Variants in RAB3GAP2 observed in about 807,000 individuals in gnomAD.
The protein encoded by RAB3GAP2 is rab3 GTPase-activating protein non-catalytic subunit.
A neutral mutation model predicts 185.3 loss-of-function variants in RAB3GAP2; 87 were observed. The observed-to-expected ratio is 0.47, with a 90% confidence interval of 0.39 to 0.56. The LOEUF is 0.56. Among genes scored for constraint, RAB3GAP2 ranks in the 20% least tolerant of loss-of-function variants. RAB3GAP2 has a pLI of 0.00. For synonymous variants in RAB3GAP2, 554 were observed against 576.1 expected, an observed-to-expected ratio of 0.96 and a Z score of 0.55; for missense variants, 1,492 against 1,638.2, an observed-to-expected ratio of 0.91 and a Z score of 1.54.
intron 2 of RAB3GAP2, among the ~76,000 whole-genome samples, chr1:220,229,235 A>G (rs1249982069): frequency 3.9e-5 from 6 of 152,220 alleles, no homozygotes; most frequent in Non-Finnish European, 8.8e-5. Context: ...TGAGAAATAC[A>G]GCTAATTAAG....
chr1:220,169,448 G>C (rs942145056), intron 24 of RAB3GAP2, among the ~76,000 whole-genome samples: 2 of 152,180 alleles, frequency 1.3e-5, no homozygotes, highest in African/African-American at 4.8e-5. Flanking sequence ...TTTGCAGTTA[G>C]TGAATCATGA....
chr1:220,190,644 A>C, intron 14 of RAB3GAP2, 124 bp from the exon 15 acceptor site: 1 of 944,576 alleles, frequency 1.1e-6, no homozygotes, highest in South Asian at 1.4e-5. Context: ...AAGGCAACTA[A>C]ATACTGATAG....
At chr1:220,181,213 CCT>C (rs1164563683) in intron 21 of RAB3GAP2, among the ~76,000 whole-genome samples, 1 of 152,122 alleles carries the variant, frequency 6.6e-6, no homozygotes, top group African/African-American at 2.4e-5. Context: ...CCTTGATCTC[CCT>C]GATTCAAGGG....
At chr1:220,192,699 G>C (rs1487081332) in intron 13 of RAB3GAP2, among the ~76,000 whole-genome samples, 2 of 152,166 alleles carry the variant, frequency 1.3e-5, no homozygotes, top group Non-Finnish European at 2.9e-5. Context: ...TGAGAACCTT[G>C]AGTGGGGAAG....
chr1:220,236,510 A>G (rs17565378), intron 1 of RAB3GAP2, among the ~76,000 whole-genome samples: 3,735 of 152,200 alleles, frequency 0.025, 66 homozygotes, highest in Non-Finnish European at 0.038. Context: ...CCAGTGATTT[A>G]ATTTTTGTGG....
chr1:220,169,291 GA>G (rs1658131102), intron 24 of RAB3GAP2, among the ~76,000 whole-genome samples: 1 of 152,192 alleles, frequency 6.6e-6, no homozygotes, highest in Admixed American at 6.5e-5. Context: ...TAAAAAGTGT[GA>G]GCCCCCAAAG....
intron 31 of RAB3GAP2, 86 bp downstream of exon 31, chr1:220,157,184 T>C: frequency 5.1e-6 from 6 of 1,179,502 alleles, no homozygotes; most frequent in Non-Finnish European, 6.2e-6. Flanking sequence ...ACAAAAGTAC[T>C]GGACAGCTTC....
At chr1:220,176,363 G>A (rs1454966610) in intron 21 of RAB3GAP2, among the ~76,000 whole-genome samples, 1 of 152,142 alleles carries the variant, frequency 6.6e-6, no homozygotes, top group Admixed American at 6.5e-5. Context: ...TGGCGGAATA[G>A]AAGGCAACCT....
At chr1:220,189,852 C>G (rs1371142670) in intron 16 of RAB3GAP2, 85 bp from the exon 17 acceptor site, 1 of 1,221,140 alleles carries the variant, frequency 8.2e-7, no homozygotes, top group South Asian at 1.5e-5. Context: ...CATATCTGTA[C>G]TATCAGTGAG....
Position 220,153,425 on chromosome 1 carries a change from G to A in RAB3GAP2, c.3646-19C>T. 2 of 1,599,044 alleles carry A rather than the reference G, an allele frequency of 1.3e-6. No individual in the cohort carries two copies. The highest frequency in any genetic ancestry group is 2.2e-5 in the South Asian group (2 of 90,796). ...ATAAGAACTTGAAAATGGAGAAAGA[G>A]ATAGAGCAATGCATTGTTACTGTTT... On this transcript the variant is annotated intron_variant, in intron 32 of 34. Transcript: ENST00000358951.
Position 220,171,132 on chromosome 1 carries a change from T to A in RAB3GAP2, c.2578-12A>T. The A allele has an allele frequency of 6.2e-7, 1 of 1,608,406 alleles. No individual in the cohort carries two copies. Among genetic ancestry groups the A allele is most frequent in the Non-Finnish European group, 8.5e-7 (1 of 1,174,902 alleles). On this transcript the variant is annotated splice_polypyrimidine_tract_variant and intron_variant, in intron 23 of 34. Coordinates refer to ENST00000358951, the MANE Select transcript of RAB3GAP2 (RefSeq NM_012414.4). ...ACTGTTTGGGAAAACTAATAAAAAA[T>A]GCACTGGTGATTCTTTGCCAAAGAT...
At chr1:220,177,726 G>A (rs575338505) in intron 21 of RAB3GAP2, among the ~76,000 whole-genome samples, 2 of 152,234 alleles carry the variant, frequency 1.3e-5, no homozygotes, top group East Asian at 1.9e-4. Context: ...CAGTGAATTC[G>A]TTGATAGACT....
intron 1 of RAB3GAP2, among the ~76,000 whole-genome samples, chr1:220,235,333 T>C (rs75293666): frequency 0.016 from 2,384 of 152,340 alleles, 34 homozygotes; most frequent in Middle Eastern, 0.041. Flanking sequence ...AATTGTCTTA[T>C]TGTGAGTTTA....
intron 24 of RAB3GAP2, among the ~76,000 whole-genome samples, 161 bp from the exon 25 acceptor site, chr1:220,167,836 C>T (rs1658100214): frequency 6.6e-6 from 1 of 152,162 alleles, no homozygotes. Flanking sequence ...GTGTTCCTAC[C>T]TACCACGCAA....
At chr1:220,204,940 T>A (rs563249500) in intron 8 of RAB3GAP2, among the ~76,000 whole-genome samples, 6 of 152,140 alleles carry the variant, frequency 3.9e-5, no homozygotes, top group Admixed American at 3.9e-4. Flanking sequence ...TGCATAGTAT[T>A]CCATGGTGTA....
In RAB3GAP2 at chr1:220,149,094, T is replaced by C. The variant is rs1452937418; in HGVS notation, c.*2157A>G. 4 of 152,186 alleles carry C rather than the reference T, an allele frequency of 2.6e-5. No homozygotes were observed. In the East Asian group the frequency reaches 7.7e-4, roughly 29 times the overall value. The allele number at this position is 152,186 out of a possible 1,614,324, so 9.4% of individuals were successfully genotyped here. A position where few individuals can be genotyped will look rare whatever the true frequency, so the allele number is the denominator to read the frequency against. On this transcript the variant is annotated 3_prime_UTR_variant, in exon 35 of 35. Transcript: ENST00000358951. ...TAATTCCTTTATCATCTATGGCTCTTTGTTATTATAGAATGTCTACATAGG... is the reference window on the plus strand; with the variant it reads ...TAATTCCTTTATCATCTATGGCTCTCTGTTATTATAGAATGTCTACATAGG...
At position 220,189,775 on chromosome 1, in the gene RAB3GAP2, GA is replaced by G. The variant is rs1221194881; in HGVS notation, c.1715-9del. ...TTTCTGTTTCAACCAAATCTATAAA[GA>G]AAAAAATAATCAAAGTAAAATTTTA... is the stretch of plus-strand genomic sequence containing the variant. On this transcript the variant is annotated splice_polypyrimidine_tract_variant and intron_variant, in intron 16 of 34. Transcript: ENST00000358951. 8 of 1,464,212 alleles carry G rather than the reference GA, an allele frequency of 5.5e-6. No homozygotes were observed. In the African/African-American group the frequency reaches 5.7e-5, roughly 11 times the overall value. The allele number at this position is 1,464,212 out of a possible 1,614,324, so 90.7% of individuals were successfully genotyped here. A position where few individuals can be genotyped will look rare whatever the true frequency, so the allele number is the denominator to read the frequency against.
At chr1:220,184,205 A>G (rs1034657243) in intron 18 of RAB3GAP2, 42 bp from the exon 19 acceptor site, 12 of 1,533,284 alleles carry the variant, frequency 7.8e-6, no homozygotes, top group Non-Finnish European at 9.9e-6. Flanking sequence ...GATATATTTA[A>G]CAGACTCATA....
At chr1:220,185,443 A>G (rs1405086755) in intron 18 of RAB3GAP2, among the ~76,000 whole-genome samples, 1 of 152,170 alleles carries the variant, frequency 6.6e-6, no homozygotes, top group Non-Finnish European at 1.5e-5. Context: ...ACAACTTCCC[A>G]ATAACAGTCA....
Sources: allele counts gnomAD v4.1 joint callset (sites outside exome capture counted in the v4.1 genomes callset), GRCh38; gene constraint gnomAD v4.1.1; transcripts MANE v1.5; gene names NCBI Gene and HGNC (gene_info 2026-07-23, HGNC 2026-07-21).